The following SOS1 variants were observed in gnomAD, a reference collection of about 807,000 sequenced individuals.
SOS1 encodes SOS Ras/Rac guanine nucleotide exchange factor 1.
In SOS1, 25 loss-of-function variants were observed where a neutral mutation model predicts 157.6. The observed-to-expected ratio is 0.16, with a 90% confidence interval of 0.12 to 0.22. The LOEUF (loss-of-function observed/expected upper bound fraction) is 0.22, where lower values mean the gene tolerates loss of function less well. Ranked by LOEUF, SOS1 falls within the 10% of genes least tolerant of loss-of-function variation. The probability of loss-of-function intolerance (pLI) is 1.00; values close to 1 mark genes in which losing one functional copy is unlikely to be tolerated. For synonymous variants in SOS1, 528 were observed against 534.0 expected (o/e 0.99, Z 0.16); for missense variants, 1,237 against 1,599.1 (o/e 0.77, Z 3.86).
At chr2:39,054,951 C>T in intron 4 of SOS1, 128 bp from the exon 5 acceptor site, 1 of 637,738 alleles carries the variant, frequency 1.6e-6, no homozygotes, top group African/African-American at 1.8e-5. Flanking sequence ...AATTTCTCTT[C>T]TTGGATATAT....
At chr2:39,012,677 C>T (rs1377158763) in intron 13 of SOS1, among the ~76,000 whole-genome samples, 1 of 151,994 alleles carries the variant, frequency 6.6e-6, no homozygotes, top group African/African-American at 2.4e-5. Flanking sequence ...TTATAATCCT[C>T]CAAGAAAAGG....
chr2:39,046,424 A>AT lies in SOS1; in HGVS notation c.864+4719dup, dbSNP rs547912054. Among the ~76,000 whole-genome samples the AT allele has an allele frequency of 5.5e-4, 84 of 151,986 alleles. 1 individual carries two copies. Among genetic ancestry groups the AT allele is most frequent in the Non-Finnish European group, 7.6e-4 (52 of 67,994 alleles). On this transcript the variant is annotated intron_variant, in intron 6 of 22. Coordinates refer to ENST00000402219, the MANE Select transcript of SOS1 (RefSeq NM_005633.4). ...AAACTTTAAACTTATTTTTAAAACT[A>AT]TTCAGCAATTCATTAAATTTATCAA...
At chr2:39,019,089 G>T (rs908246201) in intron 10 of SOS1, among the ~76,000 whole-genome samples, 1 of 151,698 alleles carries the variant, frequency 6.6e-6, no homozygotes, top group Non-Finnish European at 1.5e-5. Context: ...TAAAATAGCA[G>T]TAAATACTTT....
chr2:38,986,399 A>G (rs1207747500), intron 22 of SOS1, 84 bp from the exon 23 acceptor site: 6 of 1,267,892 alleles, frequency 4.7e-6, no homozygotes, highest in East Asian at 5.1e-5. Flanking sequence ...GGGGTTTTCA[A>G]ACATGCTATT....
chr2:38,991,831 T>TGTAA (rs141404965), intron 20 of SOS1, among the ~76,000 whole-genome samples: 3,682 of 152,242 alleles, frequency 0.024, 161 homozygotes, highest in African/African-American at 0.084. Context: ...AGTGAAGACG[T>TGTAA]GTAAGTGTTT....
chr2:39,013,196 G>GAT (rs1669524952), intron 13 of SOS1, among the ~76,000 whole-genome samples: 1 of 152,062 alleles, frequency 6.6e-6, no homozygotes, highest in Admixed American at 6.6e-5. Context: ...CATACTTTGG[G>GAT]ATATATATGA....
intron 1 of SOS1, among the ~76,000 whole-genome samples, chr2:39,078,139 A>AC (rs1224047405): frequency 2.0e-5 from 3 of 152,216 alleles, no homozygotes; most frequent in Admixed American, 1.3e-4. Context: ...AAGGGGAAAC[A>AC]CAACTGCCCC....
rs771172095 is a variant in SOS1, at chr2:39,067,636, C to G, written c.205G>C (p.Asp69His). Residue 69 changes from aspartate (D) to histidine (H), a missense_variant, in exon 2 of 23, where the codon GAT (aspartate) becomes CAT (histidine). Asp to His is a moderately conservative substitution (Grantham distance 81). Around this residue, in one of 15 missense-constraint regions of SOS1, gnomAD observed 99 missense variants for 81.6 expected, o/e 1.21. Transcript: ENST00000402219. ...LCQAQPRSAS[D>H]VEERVQKSFP... ...GACAACATTTGTCATACCTCTACATCTGAAGCACTTCGGGGCTGAGCTTGG... is the reference window on the plus strand; with the variant it reads ...GACAACATTTGTCATACCTCTACATGTGAAGCACTTCGGGGCTGAGCTTGG... 6.2e-7 allele frequency: 1 copy of G among 1,613,472 alleles called. No individual in the cohort carries two copies. Among genetic ancestry groups the G allele is most frequent in the Non-Finnish European group, 8.5e-7 (1 of 1,179,484 alleles).
At chr2:39,041,857 A>G (rs1341677259) in intron 6 of SOS1, among the ~76,000 whole-genome samples, 1 of 152,180 alleles carries the variant, frequency 6.6e-6, no homozygotes, top group Non-Finnish European at 1.5e-5. Flanking sequence ...TTTCTTTTGA[A>G]GTTCTACTCT....
intron 7 of SOS1, 30 bp downstream of exon 7, chr2:39,035,360 T>C (rs747051364): frequency 1.9e-6 from 3 of 1,599,794 alleles, no homozygotes; most frequent in Non-Finnish European, 2.6e-6. Context: ...TTTTCAGACA[T>C]TGTACATCTT....
At chr2:39,069,522 G>T (rs1671724473) in intron 1 of SOS1, among the ~76,000 whole-genome samples, 1 of 152,122 alleles carries the variant, frequency 6.6e-6, no homozygotes, top group Non-Finnish European at 1.5e-5. Flanking sequence ...GTACTACACA[G>T]AGTATGAGCT....
chr2:39,060,847 A>G (rs1671374927), intron 2 of SOS1, among the ~76,000 whole-genome samples: 1 of 152,220 alleles, frequency 6.6e-6, no homozygotes, highest in African/African-American at 2.4e-5. Context: ...AGTAGAAAAA[A>G]GTAAAAATAA....
At chr2:38,989,235 G>C (rs780131132) in intron 21 of SOS1, 35 bp downstream of exon 21, 7 of 1,474,430 alleles carry the variant, frequency 4.7e-6, no homozygotes, top group South Asian at 1.1e-5. Context: ...TAAAGCCAAA[G>C]CAAGAATTAT....
chr2:39,044,553 C>G (rs538379110), intron 6 of SOS1, among the ~76,000 whole-genome samples: 1 of 152,250 alleles, frequency 6.6e-6, no homozygotes, highest in East Asian at 1.9e-4. Context: ...ACTTAATCCT[C>G]AAGGCAACAG....
rs1245801154 is a variant in SOS1 at position 39,008,054 on chromosome 2, G to T, written c.2511-861C>A. Among the ~76,000 whole-genome samples, 5 of 152,138 alleles carry T rather than the reference G, an allele frequency of 3.3e-5. No individual in the cohort carries two copies. The South Asian group carries it at 1.0e-3, about 32-fold the overall frequency. Reference sequence around the variant, plus strand: ...CTGCAGTCAAGAACACCTAGCTCCCGGTGAGGTGCAGGAGCAGGACTTCAG... The same window carrying T: ...CTGCAGTCAAGAACACCTAGCTCCCTGTGAGGTGCAGGAGCAGGACTTCAG... On this transcript the variant is annotated intron_variant, in intron 15 of 22. Transcript: ENST00000402219.
At chr2:39,100,473 C>T (rs1439100333) in intron 1 of SOS1, among the ~76,000 whole-genome samples, 1 of 152,168 alleles carries the variant, frequency 6.6e-6, no homozygotes, top group East Asian at 1.9e-4. Context: ...GAATATCATT[C>T]AGCCTTAAAA....
chr2:39,040,430 C>T (rs1440576696), intron 6 of SOS1, among the ~76,000 whole-genome samples: 1 of 152,142 alleles, frequency 6.6e-6, no homozygotes, highest in African/African-American at 2.4e-5. Flanking sequence ...ATTTCCAGAT[C>T]TGAACTATTC....
chr2:39,042,552 C>T (rs937105253), intron 6 of SOS1, among the ~76,000 whole-genome samples: 2 of 151,798 alleles, frequency 1.3e-5, no homozygotes, highest in Non-Finnish European at 2.9e-5. Flanking sequence ...CACAGATGCC[C>T]GCCACTACGC....
intron 2 of SOS1, among the ~76,000 whole-genome samples, chr2:39,065,430 C>G (rs1671558843): frequency 6.6e-6 from 1 of 152,166 alleles, no homozygotes; most frequent in South Asian, 2.1e-4. Context: ...ACCCCAGCCT[C>G]TTAATTCTAT....
Sources: allele counts gnomAD v4.1 joint callset (sites outside exome capture counted in the v4.1 genomes callset), GRCh38; gene constraint gnomAD v4.1.1; regional missense constraint gnomAD v4.1.1; transcripts MANE v1.5; gene names NCBI Gene and HGNC (gene_info 2026-07-23, HGNC 2026-07-21).